The following OPCML variants were observed in gnomAD, a reference collection of about 807,000 sequenced individuals.
OPCML encodes the protein opioid binding protein/cell adhesion molecule like.
OPCML carries 13 observed loss-of-function variants against 37.8 expected under a neutral mutation model. That is an observed-to-expected ratio of 0.34 (90% CI 0.22 to 0.55). The LOEUF is 0.55. Among genes scored for constraint, OPCML ranks in the 20% least tolerant of loss-of-function variants. OPCML has a pLI of 0.91. For missense variants in OPCML, 341 were observed against 435.6 expected, an observed-to-expected ratio of 0.78 and a Z score of 1.93; for synonymous variants, 176 against 168.8, an observed-to-expected ratio of 1.04 and a Z score of -0.33.
At chr11:132,766,415 T>A (rs551062277) in intron 2 of OPCML, among the ~76,000 whole-genome samples, 2 of 152,318 alleles carry the variant, frequency 1.3e-5, no homozygotes, top group African/African-American at 4.8e-5. Context: ...TCACCAATAC[T>A]GAGACATGCC....
intron 2 of OPCML, among the ~76,000 whole-genome samples, chr11:132,668,701 C>G (rs1236643472): frequency 6.6e-6 from 1 of 152,190 alleles, no homozygotes; most frequent in Non-Finnish European, 1.5e-5. Context: ...CCTTCTCCTT[C>G]TGTACTTCCA....
At chr11:132,544,230 A>G (rs1000863480) in intron 3 of OPCML, among the ~76,000 whole-genome samples, 1 of 151,972 alleles carries the variant, frequency 6.6e-6, no homozygotes, top group African/African-American at 2.4e-5. Flanking sequence ...GAAAAAAAAA[A>G]TGGCTTCCCA....
At chr11:132,624,066 G>A (rs936771632) in intron 3 of OPCML, among the ~76,000 whole-genome samples, 1 of 152,216 alleles carries the variant, frequency 6.6e-6, no homozygotes, top group African/African-American at 2.4e-5. Context: ...TAATGTTTTG[G>A]TGAGATCATA....
chr11:132,609,553 G>A (rs911222646), intron 3 of OPCML, among the ~76,000 whole-genome samples: 14 of 152,128 alleles, frequency 9.2e-5, no homozygotes, highest in African/African-American at 3.4e-4. Context: ...TTTGCACGGA[G>A]TGCTGTATGC....
At chr11:133,181,265 A>G (rs949183477) in intron 1 of OPCML, among the ~76,000 whole-genome samples, 4 of 148,444 alleles carry the variant, frequency 2.7e-5, no homozygotes, top group African/African-American at 7.4e-5. Flanking sequence ...GCGGTGCACA[A>G]GGAAAACCGG....
At chr11:132,707,155 AAGG>A (rs2135938777) in intron 2 of OPCML, among the ~76,000 whole-genome samples, 1 of 152,332 alleles carries the variant, frequency 6.6e-6, no homozygotes, top group South Asian at 2.1e-4. Context: ...TTGAGGAAGA[AAGG>A]GCTTTGGAAA....
chr11:132,942,774 T>TCGGCACGGCAGC (rs1448548289), intron 2 of OPCML, 152 bp downstream of exon 2: 6 of 962,734 alleles, frequency 6.2e-6, no homozygotes, highest in Admixed American at 2.5e-5. Flanking sequence ...GGCACGGCAG[T>TCGGCACGGCAGC]CGGCACGGCA....
intron 1 of OPCML, among the ~76,000 whole-genome samples, chr11:133,069,892 A>T (rs1302783493): frequency 6.6e-6 from 1 of 152,114 alleles, no homozygotes; most frequent in Admixed American, 6.5e-5. Flanking sequence ...GGCACCATCC[A>T]AGCTGATGCT....
chr11:133,425,992 A>C (rs1333281538), intron 1 of OPCML, among the ~76,000 whole-genome samples: 1 of 152,316 alleles, frequency 6.6e-6, no homozygotes, highest in East Asian at 1.9e-4. Context: ...TTGTGCTAGG[A>C]AGTTGAGCAT....
At chr11:133,514,018 G>A (rs928529094) in intron 1 of OPCML, among the ~76,000 whole-genome samples, 3 of 152,192 alleles carry the variant, frequency 2.0e-5, no homozygotes, top group Non-Finnish European at 4.4e-5. Context: ...TAGGGCTGTG[G>A]AGAAGTCTGC....
intron 7 of OPCML, 114 bp from the exon 8 acceptor site, chr11:132,420,407 A>G: frequency 6.9e-7 from 1 of 1,454,292 alleles, no homozygotes; most frequent in East Asian, 2.5e-5. Context: ...TCCGCTGACC[A>G]TTCCAAGTCT....
At chr11:132,780,255 C>A in intron 2 of OPCML, among the ~76,000 whole-genome samples, 1 of 152,330 alleles carries the variant, frequency 6.6e-6, no homozygotes, top group South Asian at 2.1e-4. Context: ...CAGCTCTCTG[C>A]TCCACACTGT....
At chr11:132,958,619 C>T (rs956719949) in intron 1 of OPCML, among the ~76,000 whole-genome samples, 2 of 152,336 alleles carry the variant, frequency 1.3e-5, no homozygotes, top group African/African-American at 4.8e-5. Flanking sequence ...CGGTTAGGAG[C>T]TAATACAGCT....
chr11:133,016,735 A>T (rs1947342448), intron 1 of OPCML, among the ~76,000 whole-genome samples: 1 of 152,158 alleles, frequency 6.6e-6, no homozygotes, highest in South Asian at 2.1e-4. Flanking sequence ...GAGAGAAGGG[A>T]TGTCTCCACA....
chr11:133,169,120 C>G (rs1157013184), intron 1 of OPCML, among the ~76,000 whole-genome samples: 3 of 152,158 alleles, frequency 2.0e-5, no homozygotes, highest in Non-Finnish European at 4.4e-5. Context: ...CAGAGCAAGA[C>G]TCCATCTCAA....
chr11:132,474,735 C>T (rs771682713), intron 4 of OPCML, among the ~76,000 whole-genome samples: 1 of 152,182 alleles, frequency 6.6e-6, no homozygotes, highest in Admixed American at 6.5e-5. Flanking sequence ...CTCCTGTCCT[C>T]ACCAGGGTGG....
At chr11:132,666,758 T>C (rs557778548) in intron 2 of OPCML, among the ~76,000 whole-genome samples, 43 of 152,284 alleles carry the variant, frequency 2.8e-4, no homozygotes, top group African/African-American at 9.1e-4. Context: ...AGGTAAGGAA[T>C]GGAGTGGAAG....
At chr11:133,017,030 G>A (rs1947347172) in intron 1 of OPCML, among the ~76,000 whole-genome samples, 1 of 152,148 alleles carries the variant, frequency 6.6e-6, no homozygotes, top group South Asian at 2.1e-4. Context: ...AATAAACATT[G>A]ATTTTTCACA....
rs141338387 is a variant in OPCML at position 132,586,848 on chromosome 11, C to A, written c.380-57662G>T. Among the ~76,000 whole-genome samples the A allele has an allele frequency of 1.3e-3, 194 of 152,290 alleles. 1 individual carries two copies. The highest frequency in any genetic ancestry group is 2.0e-3 in the Non-Finnish European group (135 of 68,024). ...TAGGGATTCAGTAGTCTACAACATT[C>A]TAAGACAGTCTCTCAAAAATAAAGA... is the stretch of plus-strand genomic sequence containing the variant. On this transcript the variant is annotated intron_variant, in intron 3 of 7. Transcript: ENST00000524381.
Sources: allele counts gnomAD v4.1 joint callset (sites outside exome capture counted in the v4.1 genomes callset), GRCh38; gene constraint gnomAD v4.1.1; transcripts MANE v1.5; gene names NCBI Gene and HGNC (gene_info 2026-07-23, HGNC 2026-07-21).